Variants in UBASH3B observed in about 807,000 individuals in gnomAD.
UBASH3B encodes the protein ubiquitin associated and SH3 domain containing B, also known as ubiquitin-associated and SH3 domain-containing protein B.
UBASH3B carries 37 observed loss-of-function variants against 83.4 expected under a neutral mutation model. That is an observed-to-expected ratio of 0.44 (90% CI 0.34 to 0.58). The LOEUF (loss-of-function observed/expected upper bound fraction) is 0.58, where lower values mean the gene tolerates loss of function less well. Ranked by LOEUF, UBASH3B falls within the 20% of genes least tolerant of loss-of-function variation. UBASH3B has a pLI of 0.01. For synonymous variants in UBASH3B, 304 were observed against 318.3 expected, an observed-to-expected ratio of 0.96 and a Z score of 0.48; for missense variants, 657 against 827.2, an observed-to-expected ratio of 0.79 and a Z score of 2.52.
chr11:122,712,994 G>A lies in UBASH3B; in HGVS notation c.161+56784G>A, dbSNP rs375328055. Among the ~76,000 whole-genome samples the A allele has an allele frequency of 6.8e-5, 9 of 131,778 alleles. No homozygotes were observed. In the East Asian group the frequency reaches 1.6e-3, roughly 23 times the overall value. 86.5% of individuals were successfully genotyped at this position (131,778 alleles called of 152,430 possible). A position where few individuals can be genotyped will look rare whatever the true frequency, so the allele number is the denominator to read the frequency against. On this transcript the variant is annotated intron_variant, in intron 1 of 13. Coordinates refer to ENST00000284273, the MANE Select transcript of UBASH3B (RefSeq NM_032873.5). ...GCGATCTCGGCTCACTGCAAGCTCC[G>A]CCTCCTGGGTTCACGCCATTCTCCT... is the stretch of plus-strand genomic sequence containing the variant.
At chr11:122,746,076 C>T (rs570728009) in intron 1 of UBASH3B, among the ~76,000 whole-genome samples, 2 of 152,178 alleles carry the variant, frequency 1.3e-5, no homozygotes, top group Non-Finnish European at 1.5e-5. Context: ...GGTGGGCAGA[C>T]GGATAATTAG....
intron 1 of UBASH3B, among the ~76,000 whole-genome samples, chr11:122,702,859 T>A (rs1864061486): frequency 6.6e-6 from 1 of 152,108 alleles, no homozygotes; most frequent in Non-Finnish European, 1.5e-5. Context: ...TATATTCTCC[T>A]CACTCATCTT....
Position 122,812,245 on chromosome 11 carries a change from T to A in UBASH3B, c.*2359T>A, listed in dbSNP as rs923646405. 2 of 152,360 alleles carry A rather than the reference T, an allele frequency of 1.3e-5. No individual in the cohort carries two copies. Among genetic ancestry groups the A allele is most frequent in the African/African-American group, 4.8e-5 (2 of 41,580 alleles). The allele number at this position is 152,360 out of a possible 1,614,324, so 9.4% of individuals were successfully genotyped here. On this transcript the variant is annotated 3_prime_UTR_variant, in exon 14 of 14. Coordinates refer to ENST00000284273, the MANE Select transcript of UBASH3B (RefSeq NM_032873.5). Reference sequence around the variant, plus strand: ...TTGTATTTCTCTGCTTTCATTTCAATTTCATTATTTCAAATTGCTTGTCAA... The same window carrying A: ...TTGTATTTCTCTGCTTTCATTTCAAATTCATTATTTCAAATTGCTTGTCAA...
intron 6 of UBASH3B, among the ~76,000 whole-genome samples, chr11:122,793,978 A>T (rs1450976808): frequency 3.3e-5 from 5 of 152,196 alleles, no homozygotes; most frequent in Non-Finnish European, 7.3e-5. Context: ...TTCACTTCAG[A>T]TGGAAATTAC....
chr11:122,728,416 C>A (rs771750397), intron 1 of UBASH3B, among the ~76,000 whole-genome samples: 5 of 152,172 alleles, frequency 3.3e-5, no homozygotes, highest in Non-Finnish European at 7.3e-5. Flanking sequence ...GGGAATTAAG[C>A]GTAGCTGACA....
chr11:122,667,594 C>T (rs564945862), intron 1 of UBASH3B, among the ~76,000 whole-genome samples: 1 of 152,220 alleles, frequency 6.6e-6, no homozygotes, highest in Admixed American at 6.5e-5. Flanking sequence ...ATAAACCAGA[C>T]AGGGAGCACA....
chr11:122,760,447 G>A (rs895973554), intron 1 of UBASH3B, among the ~76,000 whole-genome samples: 2 of 151,632 alleles, frequency 1.3e-5, no homozygotes, highest in Admixed American at 1.3e-4. Flanking sequence ...TGCAACCTCC[G>A]CCTCCCGGGT....
At chr11:122,794,934 T>A in intron 7 of UBASH3B, 100 bp downstream of exon 7, 2 of 1,522,238 alleles carry the variant, frequency 1.3e-6, no homozygotes, top group Non-Finnish European at 1.8e-6. Flanking sequence ...CTCCAAAGCT[T>A]CCACGATCTC....
At chr11:122,671,887 G>GTA (rs1290712167) in intron 1 of UBASH3B, among the ~76,000 whole-genome samples, 1 of 152,210 alleles carries the variant, frequency 6.6e-6, no homozygotes, top group African/African-American at 2.4e-5. Context: ...TGGAATCTCA[G>GTA]TATGTGAAGT....
chr11:122,690,746 G>C (rs190463438), intron 1 of UBASH3B, among the ~76,000 whole-genome samples: 4 of 152,144 alleles, frequency 2.6e-5, no homozygotes, highest in Admixed American at 6.5e-5. Flanking sequence ...ATTTCACATC[G>C]GTTGTGAATG....
intron 1 of UBASH3B, among the ~76,000 whole-genome samples, chr11:122,771,770 C>G (rs1038627452): frequency 6.6e-6 from 1 of 151,814 alleles, no homozygotes; most frequent in African/African-American, 2.4e-5. Context: ...CACACACACA[C>G]ACACACACAC....
At chr11:122,802,856 G>A (rs938023924) in intron 11 of UBASH3B, among the ~76,000 whole-genome samples, 1 of 152,194 alleles carries the variant, frequency 6.6e-6, no homozygotes, top group East Asian at 1.9e-4. Flanking sequence ...GGCCTGGAAA[G>A]AGGAGGAGTT....
chr11:122,656,172 G>T lies in UBASH3B; in HGVS notation c.123G>T (p.Leu41=). ...RPGTIKHGSA[L]DVLLSMGFPR... ...GCACCATCAAGCATGGATCGGCGCT[G>T]GACGTGCTCCTCTCCATGGGGTTCC... is the stretch of plus-strand genomic sequence containing the variant. Residue 41 remains leucine, a synonymous_variant, in exon 1 of 14, where the codon CTG becomes CTT. Coordinates refer to ENST00000284273, the MANE Select transcript of UBASH3B (RefSeq NM_032873.5). The T allele has an allele frequency of 6.4e-7, 1 of 1,554,364 alleles. No individual in the cohort carries two copies. Among genetic ancestry groups the T allele is most frequent in the Non-Finnish European group, 8.7e-7 (1 of 1,152,318 alleles).
In UBASH3B at chr11:122,796,993, T is replaced by C. The variant is rs145108816; in HGVS notation, c.1317T>C (p.Ala439=). The C allele has an allele frequency of 7.8e-5, 126 of 1,613,862 alleles. No individual in the cohort carries two copies. In the African/African-American group the frequency reaches 1.6e-3, roughly 20 times the overall value. Reference sequence around the variant, plus strand: ...GTTTCCGAGATTACGAGAAAGATGCTCCCATCACTGTGTTTGGATGCATGC... The same window carrying C: ...GTTTCCGAGATTACGAGAAAGATGCCCCCATCACTGTGTTTGGATGCATGC... ...SGGFRDYEKD[A]PITVFGCMQA... is the part of the protein sequence containing the mutation. Residue 439 remains alanine, a synonymous_variant, in exon 9 of 14, where the codon GCT becomes GCC. Transcript: ENST00000284273.
At chr11:122,736,943 C>G (rs1311768932) in intron 1 of UBASH3B, among the ~76,000 whole-genome samples, 2 of 152,042 alleles carry the variant, frequency 1.3e-5, no homozygotes, top group Non-Finnish European at 2.9e-5. Context: ...TCAAGGAAAG[C>G]AACATAGAAG....
chr11:122,703,421 C>T (rs886104656), intron 1 of UBASH3B, among the ~76,000 whole-genome samples: 25 of 149,388 alleles, frequency 1.7e-4, no homozygotes, highest in Admixed American at 6.6e-4. Flanking sequence ...AGCAGGCCTC[C>T]GTCTCAAAAA....
At chr11:122,723,183 A>G (rs1860671893) in intron 1 of UBASH3B, among the ~76,000 whole-genome samples, 1 of 152,234 alleles carries the variant, frequency 6.6e-6, no homozygotes, top group Non-Finnish European at 1.5e-5. Flanking sequence ...TAATTAAAAA[A>G]AAAATCCTTT....
At chr11:122,768,845 C>G (rs1359557262) in intron 1 of UBASH3B, among the ~76,000 whole-genome samples, 1 of 152,118 alleles carries the variant, frequency 6.6e-6, no homozygotes, top group Non-Finnish European at 1.5e-5. Context: ...AAACATCTGA[C>G]CCTCTCAAGA....
chr11:122,793,012 AAAGTG>A (rs1268899281), intron 6 of UBASH3B, among the ~76,000 whole-genome samples: 1 of 152,226 alleles, frequency 6.6e-6, no homozygotes, highest in Non-Finnish European at 1.5e-5. Context: ...GCCACTTCTG[AAAGTG>A]AAGGAACAAA....
Sources: gnomAD v4.1 joint callset for allele counts (sites outside exome capture counted in the v4.1 genomes callset) on GRCh38, gnomAD v4.1.1 for gene constraint, MANE v1.5 for transcripts, NCBI Gene and HGNC (gene_info 2026-07-23, HGNC 2026-07-21) for gene names.